Variants in SCARB1 observed in about 807,000 individuals in gnomAD.
The protein encoded by SCARB1 is CD36 and LIMPII analogous 1.
A neutral mutation model predicts 57.2 loss-of-function variants in SCARB1; 30 were observed. The observed-to-expected ratio is 0.52, with a 90% CI of 0.39 to 0.71. The LOEUF is 0.71. Ranked by LOEUF, SCARB1 falls within the 30% of genes least tolerant of loss-of-function variation. The pLI is 0.00. For missense variants in SCARB1, 543 were observed against 671.2 expected (o/e 0.81, Z 2.11); for synonymous variants, 249 against 268.3 (o/e 0.93, Z 0.70).
intron 1 of SCARB1, among the ~76,000 whole-genome samples, chr12:124,829,351 C>G (rs1414493927): frequency 6.6e-6 from 1 of 152,096 alleles, no homozygotes; most frequent in Non-Finnish European, 1.5e-5. Context: ...TCTGCTCTTG[C>G]CCCCCGCCCC....
Position 124,795,421 on chromosome 12 carries a change from T to TG in SCARB1, c.1129-154dup, listed in dbSNP as rs3215351. Among the ~76,000 whole-genome samples the TG allele has an allele frequency of 0.051, 7,721 of 151,740 alleles. 289 individuals are homozygous for TG. Among genetic ancestry groups the TG allele is most frequent in the Non-Finnish European group, 0.075 (5,057 of 67,868 alleles). On this transcript the variant is annotated intron_variant, in intron 8 of 12. Transcript: ENST00000261693. Reference sequence around the variant, plus strand: ...ATCTTACCTAAAACAAGCCACAGGCTGGGGGGGGTCAACAGTTCTAGAAAT... The same window carrying TG: ...ATCTTACCTAAAACAAGCCACAGGCTGGGGGGGGGTCAACAGTTCTAGAAAT...
At chr12:124,783,425 G>A (rs1161864908) in intron 11 of SCARB1, 1 of 152,170 alleles carries the variant, frequency 6.6e-6, no homozygotes, top group Non-Finnish European at 1.5e-5. Flanking sequence ...AATATGTTGA[G>A]TTTACCCGCA....
At chr12:124,811,987 G>A in intron 4 of SCARB1, 22 bp from the exon 5 acceptor site, 1 of 1,579,406 alleles carries the variant, frequency 6.3e-7, no homozygotes. Flanking sequence ...GCAGGGAACA[G>A]CATCGTAAGG....
intron 1 of SCARB1, among the ~76,000 whole-genome samples, chr12:124,843,915 C>A (rs946824695): frequency 6.6e-6 from 1 of 152,194 alleles, no homozygotes. Flanking sequence ...CCCAGACATT[C>A]TCGAAGACTA....
intron 1 of SCARB1, among the ~76,000 whole-genome samples, chr12:124,848,567 G>A (rs1479922299): frequency 6.6e-6 from 1 of 152,262 alleles, no homozygotes. Context: ...AGCAACGAGA[G>A]AGAGAGGATG....
In SCARB1 at chr12:124,817,568, C is replaced by T. The variant is rs200829988; in HGVS notation, c.266G>A (p.Arg89His). ...LKGEKPQVRE[R>H]GPYVYREFRH... ...GCCTCACCTGTACACGTAGGGCCCG[C>T]GCTCCCGCACCTGCGGCTTCTCGCC... is the stretch of plus-strand genomic sequence containing the variant. Residue 89 changes from arginine to histidine, a missense_variant, in exon 2 of 13, where the codon CGC (arginine) becomes CAC (histidine). Physicochemically the swap from Arg to His is conservative, Grantham distance 29. Transcript: ENST00000261693. The surrounding 1 kb of genome is among the most constrained non-coding windows in gnomAD (Gnocchi z 4.8). 7.4e-5 allele frequency: 120 copies of T among 1,613,974 alleles called. 1 individual carries two copies. Among genetic ancestry groups the T allele is most frequent in the South Asian group, 3.4e-4 (31 of 91,094 alleles).
At chr12:124,785,677 A>G (rs1461110761) in intron 11 of SCARB1, 2 of 195,458 alleles carry the variant, frequency 1.0e-5, no homozygotes, top group African/African-American at 4.7e-5. Context: ...ACAGGATTTC[A>G]AAGACTTCAT....
At chr12:124,778,817 G>A (rs1181479145) in intron 12 of SCARB1, among the ~76,000 whole-genome samples, 3 of 152,202 alleles carry the variant, frequency 2.0e-5, no homozygotes, top group Non-Finnish European at 4.4e-5. Context: ...CTTTAGAGAT[G>A]GAGAAACTGA....
chr12:124,787,958 C>T (rs1949583252), intron 9 of SCARB1, among the ~76,000 whole-genome samples: 1 of 152,128 alleles, frequency 6.6e-6, no homozygotes, highest in Admixed American at 6.6e-5. Flanking sequence ...TATAATTACC[C>T]TATTCTTAGT....
In SCARB1 at chr12:124,833,204, T is replaced by C. The variant is rs527495233; in HGVS notation, c.127-15497A>G. Among the ~76,000 whole-genome samples the C allele has an allele frequency of 2.4e-3, 365 of 151,614 alleles. 1 individual carries two copies. Among genetic ancestry groups the C allele is most frequent in the African/African-American group, 8.4e-3 (347 of 41,356 alleles). ...CTCAAGATCCTTAACTTTTTTTTTT[T>C]TTTTGAGACAGGGTCTCACTCTGTT... On this transcript the variant is annotated intron_variant, in intron 1 of 12. Coordinates refer to ENST00000261693, the MANE Select transcript of SCARB1 (RefSeq NM_005505.5).
At chr12:124,785,443 C>T (rs368812630) in intron 11 of SCARB1, 31 of 152,870 alleles carry the variant, frequency 2.0e-4, no homozygotes, top group East Asian at 1.7e-3. Flanking sequence ...TTGCAGTGGC[C>T]GCTCCAGGCA....
chr12:124,786,357 T>C lies in SCARB1; in HGVS notation c.1401A>G (p.Gln467=). Residue 467 remains glutamine, a splice_region_variant and synonymous_variant, in exon 11 of 13, where the codon CAA becomes CAG. Transcript: ENST00000261693. ...LVPVICQIRS[Q]EKCYLFWSSS... Reference sequence around the variant, plus strand: ...GGGCTGCCCTCTGGCCAGCACCTACTTGGCTCCGGATTTGGCAGATGACAG... The same window carrying C: ...GGGCTGCCCTCTGGCCAGCACCTACCTGGCTCCGGATTTGGCAGATGACAG... The C allele has an allele frequency of 6.2e-7, 1 of 1,613,800 alleles. No individual in the cohort carries two copies. The highest frequency in any genetic ancestry group is 2.2e-5 in the East Asian group (1 of 44,888).
At chr12:124,862,142 C>T (rs1314266394) in intron 1 of SCARB1, among the ~76,000 whole-genome samples, 2 of 152,136 alleles carry the variant, frequency 1.3e-5, no homozygotes, top group Non-Finnish European at 2.9e-5. Flanking sequence ...GTCACTGACA[C>T]ACACGTTTCA....
rs1020336154 is a variant in SCARB1, at chr12:124,776,868, T to C, written c.*1719A>G. ...TAAAAAAAAAAAGTTTGCTTCAACTTATATATTTATGTTGCAGGCAAGTAT... is the reference window on the plus strand; with the variant it reads ...TAAAAAAAAAAAGTTTGCTTCAACTCATATATTTATGTTGCAGGCAAGTAT... On this transcript the variant is annotated 3_prime_UTR_variant, in exon 13 of 13. Coordinates refer to ENST00000261693, the MANE Select transcript of SCARB1 (RefSeq NM_005505.5). 2 of 152,196 alleles carry C rather than the reference T, an allele frequency of 1.3e-5. No homozygotes were observed. Among genetic ancestry groups the C allele is most frequent in the African/African-American group, 4.8e-5 (2 of 41,452 alleles). The allele number at this position is 152,196 out of a possible 1,614,324, so 9.4% of individuals were successfully genotyped here. A position where few individuals can be genotyped will look rare whatever the true frequency, so the allele number is the denominator to read the frequency against.
At chr12:124,811,844 A>G in intron 5 of SCARB1, 26 bp downstream of exon 5, 1 of 1,535,490 alleles carries the variant, frequency 6.5e-7, no homozygotes, top group Non-Finnish European at 9.0e-7. Flanking sequence ...CCCTGGCGAC[A>G]GGGGCCCTCG....
chr12:124,833,112 C>T (rs1393744013), intron 1 of SCARB1, among the ~76,000 whole-genome samples: 3 of 151,952 alleles, frequency 2.0e-5, no homozygotes, highest in African/African-American at 7.3e-5. Context: ...GACCCTCCTG[C>T]CTCCCTCTGT....
chr12:124,863,709 G>T lies in SCARB1; in HGVS notation c.12C>A (p.Ser4=). The T allele has an allele frequency of 1.3e-6, 2 of 1,529,514 alleles. No individual in the cohort carries two copies. The highest frequency in any genetic ancestry group is 1.8e-6 in the Non-Finnish European group (2 of 1,137,708). The allele number at this position is 1,529,514 out of a possible 1,614,324, so 94.7% of individuals were successfully genotyped here. The stretch of plus-strand genomic sequence containing the variant: ...CCCCGGCAGCCCAGCGCGCTTTGGC[G>T]GAGCAGCCCATGTCTGCGCGCCTGG... MGC[S]AKARWAAGAL... is the part of the protein sequence containing the mutation. The change falls in exon 1 of 13, where the codon TCC becomes TCA. Residue 4 remains serine (S), a synonymous_variant. Transcript: ENST00000261693.
chr12:124,848,939 T>C (rs1039934588), intron 1 of SCARB1, among the ~76,000 whole-genome samples: 7 of 152,224 alleles, frequency 4.6e-5, no homozygotes, highest in African/African-American at 1.2e-4. Context: ...GGTTAAGATG[T>C]TGGAAACAGC....
At chr12:124,824,846 G>A (rs1019977073) in intron 1 of SCARB1, among the ~76,000 whole-genome samples, 2 of 152,178 alleles carry the variant, frequency 1.3e-5, no homozygotes, top group African/African-American at 4.8e-5. Context: ...GAGGGAATAC[G>A]CACCTTCCCA....
Sources: allele counts gnomAD v4.1 joint callset (sites outside exome capture counted in the v4.1 genomes callset), GRCh38; gene constraint gnomAD v4.1.1; non-coding constraint Gnocchi (gnomAD v3.1); transcripts MANE v1.5; gene names NCBI Gene and HGNC (gene_info 2026-07-23, HGNC 2026-07-21).